The following DCN variants were observed in gnomAD, a reference collection of about 807,000 sequenced individuals.
DCN encodes bone proteoglycan II.
DCN carries 17 observed loss-of-function variants against 36.5 expected under a neutral mutation model. The observed-to-expected ratio is 0.47, with a 90% confidence interval of 0.32 to 0.70. DCN has a LOEUF of 0.70. DCN is among the 30% of genes least tolerant of loss of function. The probability of loss-of-function intolerance (pLI) is 0.04; values close to 1 mark genes in which losing one functional copy is unlikely to be tolerated. For missense variants in DCN, 389 were observed against 430.1 expected (o/e 0.90, Z 0.84); for synonymous variants, 163 against 161.4 (o/e 1.01, Z -0.07).
intron 2 of DCN, chr12:91,177,269 C>T (rs1883349671): frequency 5.5e-6 from 2 of 365,634 alleles, no homozygotes; most frequent in Non-Finnish European, 9.8e-6. Flanking sequence ...ACTGAATATA[C>T]TTTATATTTT....
At chr12:91,165,542 CA>C (rs1882505976) in intron 2 of DCN, among the ~76,000 whole-genome samples, 1 of 151,996 alleles carries the variant, frequency 6.6e-6, no homozygotes, top group Non-Finnish European at 1.5e-5. Context: ...CAGAATTATA[CA>C]AAAGGCAGTT....
At chr12:91,148,409 A>C (rs1042945668) in intron 7 of DCN, among the ~76,000 whole-genome samples, 5 of 151,972 alleles carry the variant, frequency 3.3e-5, no homozygotes, top group African/African-American at 4.8e-5. Flanking sequence ...AAACCTATGA[A>C]GTACTCCCTT....
chr12:91,158,642 A>G, intron 3 of DCN, 133 bp from the exon 4 acceptor site: 1 of 679,654 alleles, frequency 1.5e-6, no homozygotes, highest in Non-Finnish European at 2.6e-6. Flanking sequence ...TCAGAAAAAA[A>G]TTAAGTAAGT....
At chr12:91,151,609 C>T in intron 7 of DCN, 45 bp downstream of exon 7, 1 of 1,612,400 alleles carries the variant, frequency 6.2e-7, no homozygotes, top group Non-Finnish European at 8.5e-7. Context: ...GGGTGGGGGT[C>T]TTGCTTTTTG....
At chr12:91,152,540 A>C (rs939146775) in intron 6 of DCN, among the ~76,000 whole-genome samples, 46 of 152,260 alleles carry the variant, frequency 3.0e-4, no homozygotes, top group Non-Finnish European at 5.6e-4. Flanking sequence ...TTTTAAAAAA[A>C]ATCATTAAGA....
chr12:91,147,387 G>A lies in DCN; in HGVS notation c.886-1135C>T, dbSNP rs3138307. Among the ~76,000 whole-genome samples, 328 of 152,206 alleles carry A rather than the reference G, an allele frequency of 2.2e-3. 2 individuals carry two copies. Among genetic ancestry groups the A allele is most frequent in the Non-Finnish European group, 4.0e-3 (272 of 68,012 alleles). ...CTGCCATTCTCTGGGGCAGAATTAC[G>A]TTACATGTTTTTCTTCATAGCATTA... On this transcript the variant is annotated intron_variant, in intron 7 of 7. Transcript: ENST00000052754.
intron 5 of DCN, among the ~76,000 whole-genome samples, chr12:91,156,657 A>G (rs506309): frequency 0.97 from 147,108 of 151,548 alleles, 71,434 homozygotes; most frequent in East Asian, 1. Flanking sequence ...CAGACTCAAG[A>G]TAAAAATTGG....
chr12:91,146,447 C>T (rs150177239), intron 7 of DCN, among the ~76,000 whole-genome samples, 195 bp from the exon 8 acceptor site: 48 of 147,488 alleles, frequency 3.3e-4, no homozygotes, highest in African/African-American at 1.2e-3. Context: ...GCCTCTGCCT[C>T]ACAGGTTGAA....
rs752978349 is a variant in DCN, at chr12:91,178,414, C to T, written c.139G>A (p.Glu47Lys). The T allele has an allele frequency of 1.1e-5, 18 of 1,613,780 alleles. No individual in the cohort carries two copies. The highest frequency in any genetic ancestry group is 6.7e-5 in the East Asian group (3 of 44,850). Residue 47 changes from glutamate (E) to lysine (K), a missense_variant, in exon 2 of 8, where the codon GAG becomes AAG. Transcript: ENST00000052754. ...GGGCACACTGGGCCTAGGGAGGGCTCGAAGTCGCGGTCATCAGGAACTTCT... is the reference window on the plus strand; with the variant it reads ...GGGCACACTGGGCCTAGGGAGGGCTTGAAGTCGCGGTCATCAGGAACTTCT... ...GPEVPDDRDFEPSLGPVCPFR... is the reference protein window; with the variant it reads ...GPEVPDDRDFKPSLGPVCPFR...
At chr12:91,164,866 G>C (rs954556475) in intron 2 of DCN, 149 bp from the exon 3 acceptor site, 7 of 635,892 alleles carry the variant, frequency 1.1e-5, no homozygotes, top group Non-Finnish European at 2.0e-5. Context: ...TACATTCATT[G>C]TAGGGTAAAA....
rs906311289 is a variant in DCN at position 91,182,696 on chromosome 12, G to A, written c.-75C>T. On this transcript the variant is annotated 5_prime_UTR_variant, in exon 1 of 8. Transcript: ENST00000052754. ...TTGCCACAGGAGCCCTCAAAGCTGA[G>A]ATGTAATTACACTAAATATTCAGCC... The A allele has an allele frequency of 2.0e-5, 3 of 152,022 alleles. No homozygotes were observed. The highest frequency in any genetic ancestry group is 7.2e-5 in the African/African-American group (3 of 41,402). The allele number at this position is 152,022 out of a possible 1,614,324, so 9.4% of individuals were successfully genotyped here. A position where few individuals can be genotyped will look rare whatever the true frequency, so the allele number is the denominator to read the frequency against.
At chr12:91,157,294 T>C (rs1032572633) in intron 4 of DCN, 106 bp from the exon 5 acceptor site, 3 of 806,466 alleles carry the variant, frequency 3.7e-6, no homozygotes, top group Admixed American at 1.9e-5. Context: ...GGGATTAATA[T>C]CAACTTGACT....
chr12:91,164,474 A>G (rs1882401947), intron 3 of DCN, 131 bp downstream of exon 3: 2 of 461,756 alleles, frequency 4.3e-6, no homozygotes, highest in Non-Finnish European at 7.7e-6. Flanking sequence ...AAAAAAAAAA[A>G]AAAAGGTGAA....
chr12:91,171,662 AAC>A, intron 2 of DCN, among the ~76,000 whole-genome samples: 1 of 152,332 alleles, frequency 6.6e-6, no homozygotes, highest in South Asian at 2.1e-4. Flanking sequence ...CAGAGGATAC[AAC>A]AGCCAAGCTT....
chr12:91,156,060 C>T (rs3138250), intron 5 of DCN, among the ~76,000 whole-genome samples: 7,827 of 152,210 alleles, frequency 0.051, 687 homozygotes, highest in African/African-American at 0.18. Context: ...TAGAGGGCTT[C>T]TGTGAGACTG....
Position 91,159,656 on chromosome 12 carries a change from G to A in DCN, c.325-1147C>T, listed in dbSNP as rs1268215344. On this transcript the variant is annotated intron_variant, in intron 3 of 7. Coordinates refer to ENST00000052754, the MANE Select transcript of DCN (RefSeq NM_001920.5). The stretch of plus-strand genomic sequence containing the variant: ...ACGTTAATATTTTGGGTAATTATTT[G>A]ATTTTTATTTCTGAGTTCTCCTTAT... 6.6e-5 allele frequency among the ~76,000 whole-genome samples: 10 copies of A among 151,172 alleles called. No homozygotes were observed. The East Asian group carries it at 1.9e-3, about 29-fold the overall frequency.
Position 91,151,665 on chromosome 12 carries a change from T to C in DCN, c.874A>G (p.Lys292Glu), listed in dbSNP as rs1439628456. The C allele has an allele frequency of 5.6e-6, 9 of 1,614,062 alleles. No homozygotes were observed. The highest frequency in any genetic ancestry group is 6.8e-6 in the Non-Finnish European group (8 of 1,179,960). The change falls in exon 7 of 8, where the codon AAG becomes GAG. Residue 292 changes from lysine (K) to glutamate (E), a missense_variant. Physicochemically the swap from Lys to Glu is moderately conservative, Grantham distance 56 (BLOSUM62 1). Transcript: ENST00000052754. ...TGGCTTTGCATTACCTGGATGTACT[T>C]ATGCTCTGCCAGCCCACCAGGTACT... ...TRVPGGLAEHKYIQVVYLHNN... is the reference protein window; with the variant it reads ...TRVPGGLAEHEYIQVVYLHNN...
chr12:91,151,478 T>C (rs1485217031), intron 7 of DCN, 176 bp downstream of exon 7: 3 of 683,112 alleles, frequency 4.4e-6, no homozygotes, highest in African/African-American at 3.6e-5. Flanking sequence ...ATCTAGCTAA[T>C]GTAAATTGTG....
At chr12:91,165,073 G>A (rs1029894299) in intron 2 of DCN, among the ~76,000 whole-genome samples, 1 of 152,122 alleles carries the variant, frequency 6.6e-6, no homozygotes, top group African/African-American at 2.4e-5. Flanking sequence ...TAGTCAGCAC[G>A]AGTGATTGGC....
Sources: gnomAD v4.1 joint callset for allele counts (sites outside exome capture counted in the v4.1 genomes callset) on GRCh38, gnomAD v4.1.1 for gene constraint, MANE v1.5 for transcripts, NCBI Gene and HGNC (gene_info 2026-07-23, HGNC 2026-07-21) for gene names.